Variants in IL1RAPL2 observed in about 807,000 individuals in gnomAD.
IL1RAPL2 encodes interleukin 1 receptor accessory protein like 2.
Under a neutral mutation model 44.1 loss-of-function variants are expected in IL1RAPL2, and 3 were observed. That is an observed-to-expected ratio of 0.07 (90% confidence interval 0.03 to 0.18). The LOEUF (loss-of-function observed/expected upper bound fraction) is 0.18. IL1RAPL2 is among the 10% of genes least tolerant of loss of function. The pLI, the probability that IL1RAPL2 is intolerant of heterozygous loss-of-function variation, is 1.00. For synonymous variants in IL1RAPL2, 181 were observed against 178.8 expected (o/e 1.01, Z -0.10); for missense variants, 391 against 496.4 (o/e 0.79, Z 2.02).
intron 2 of IL1RAPL2, among the ~76,000 whole-genome samples, chrX:104,673,191 G>A (rs957442861): frequency 2.7e-5 from 3 of 111,550 alleles, no homozygotes; most frequent in African/African-American, 6.5e-5. Context: ...GTCCTGAATG[G>A]TAATGCCTAG....
At chrX:104,756,248 C>A (rs5917138) in intron 2 of IL1RAPL2, among the ~76,000 whole-genome samples, 41,862 of 110,056 alleles carry the variant, frequency 0.38, 6,055 homozygotes, top group East Asian at 0.47. Flanking sequence ...TGTGTTGTTT[C>A]GAAGGAATGT....
At chrX:104,761,966 CTTCTTCTTCTTCTTCT>C (rs1932463448) in intron 2 of IL1RAPL2, among the ~76,000 whole-genome samples, 1 of 97,449 alleles carries the variant, frequency 1.0e-5, no homozygotes, top group South Asian at 5.1e-4. Context: ...TCTTCTTCTT[CTTCTTCTTCTTCTTCT>C]TCCTCCTCCT....
intron 2 of IL1RAPL2, among the ~76,000 whole-genome samples, chrX:105,120,998 A>T (rs1372126365): frequency 9.0e-6 from 1 of 111,674 alleles, no homozygotes; most frequent in Admixed American, 9.5e-5. Context: ...GCTGCCTTCT[A>T]AACCATGGGA....
rs1365896538 is a variant in IL1RAPL2 at position 105,670,142 on chromosome X, T to TATATATATATATATAA, written c.773-47219_773-47218insATATATATAAATATAT. 8.5e-4 allele frequency among the ~76,000 whole-genome samples: 45 copies of TATATATATATATATAA among 52,971 alleles called. 3 individuals are homozygous for TATATATATATATATAA. The highest frequency in any genetic ancestry group is 3.3e-3 in the African/African-American group (45 of 13,465). 46.0% of individuals were successfully genotyped at this position (52,971 alleles called of 115,157 possible). On this transcript the variant is annotated intron_variant, in intron 6 of 10. Transcript: ENST00000372582. Reference sequence around the variant, plus strand: ...ATATATATATATATATATATATATATATATATCTCCACCAGACCACACAGT... The same window carrying TATATATATATATATAA: ...ATATATATATATATATATATATATATATATATATATATATAAATATATCTCCACCAGACCACACAGT...
chrX:105,205,943 G>C (rs1209070057), intron 3 of IL1RAPL2, among the ~76,000 whole-genome samples: 1 of 110,425 alleles, frequency 9.1e-6, no homozygotes, highest in Non-Finnish European at 1.9e-5. Flanking sequence ...ATGGTAGCTT[G>C]GATTGTGGTG....
chrX:105,116,064 GC>G (rs1412916913), intron 2 of IL1RAPL2, among the ~76,000 whole-genome samples: 1 of 111,035 alleles, frequency 9.0e-6, no homozygotes, highest in African/African-American at 3.3e-5. Flanking sequence ...CGCGTGCGCA[GC>G]CCTGGTTCCC....
chrX:105,595,408 G>A (rs923260554), intron 6 of IL1RAPL2, among the ~76,000 whole-genome samples: 1 of 111,578 alleles, frequency 9.0e-6, no homozygotes, highest in African/African-American at 3.3e-5. Flanking sequence ...TATTATTGAG[G>A]CTGCCCAATA....
chrX:105,675,146 C>T (rs771325931), intron 6 of IL1RAPL2, among the ~76,000 whole-genome samples: 1 of 111,034 alleles, frequency 9.0e-6, no homozygotes, highest in Non-Finnish European at 1.9e-5. Flanking sequence ...ATTTGAATAC[C>T]CTTTATTTAT....
intron 1 of IL1RAPL2, among the ~76,000 whole-genome samples, chrX:104,640,060 T>C (rs1929902819): frequency 8.9e-6 from 1 of 111,914 alleles, no homozygotes; most frequent in Admixed American, 9.5e-5. Flanking sequence ...AGCTATTATT[T>C]TGTTACATAG....
chrX:105,303,442 G>A (rs1342270513), intron 5 of IL1RAPL2, among the ~76,000 whole-genome samples: 1 of 111,777 alleles, frequency 8.9e-6, no homozygotes, highest in Non-Finnish European at 1.9e-5. Context: ...ATAGGTGAAA[G>A]CCACTCAATT....
chrX:105,753,585 A>T (rs1286263720), intron 9 of IL1RAPL2, among the ~76,000 whole-genome samples: 1 of 111,141 alleles, frequency 9.0e-6, no homozygotes, highest in Non-Finnish European at 1.9e-5. Context: ...TGCTAGGATT[A>T]CCAGGAGGTT....
chrX:105,711,297 G>A (rs2038208687), intron 6 of IL1RAPL2, among the ~76,000 whole-genome samples: 1 of 110,588 alleles, frequency 9.0e-6, no homozygotes, highest in Non-Finnish European at 1.9e-5. Context: ...ATCTAGTGAG[G>A]GTCATCCTGT....
chrX:105,447,119 A>G (rs1448020139), intron 5 of IL1RAPL2, among the ~76,000 whole-genome samples: 8 of 65,920 alleles, frequency 1.2e-4, no homozygotes, highest in African/African-American at 4.8e-4. Context: ...AAATATATAT[A>G]AATATAAATA....
chrX:104,616,568 C>T (rs1455203756), intron 1 of IL1RAPL2, among the ~76,000 whole-genome samples: 1 of 111,975 alleles, frequency 8.9e-6, no homozygotes, highest in East Asian at 2.8e-4. Context: ...CTAAACTGCT[C>T]CTAAGATCAG....
At chrX:105,424,931 G>C (rs895558834) in intron 5 of IL1RAPL2, among the ~76,000 whole-genome samples, 2 of 109,458 alleles carry the variant, frequency 1.8e-5, no homozygotes, top group Non-Finnish European at 3.8e-5. Context: ...GACATCACCC[G>C]GGGGAGTCCT....
chrX:104,609,913 T>C (rs1602642261), intron 1 of IL1RAPL2, among the ~76,000 whole-genome samples: 1 of 111,740 alleles, frequency 8.9e-6, no homozygotes, highest in East Asian at 2.8e-4. Flanking sequence ...GTTGTGATCC[T>C]TTGGAGGAGA....
At chrX:105,153,029 T>C (rs1354002403) in intron 2 of IL1RAPL2, among the ~76,000 whole-genome samples, 1 of 112,581 alleles carries the variant, frequency 8.9e-6, no homozygotes, top group Non-Finnish European at 1.9e-5. Flanking sequence ...TTTGTTTATT[T>C]AGCTTAAATG....
intron 5 of IL1RAPL2, among the ~76,000 whole-genome samples, chrX:105,416,426 G>A (rs1384309791): frequency 9.0e-6 from 1 of 111,598 alleles, no homozygotes; most frequent in Non-Finnish European, 1.9e-5. Flanking sequence ...TTCTTTTCAC[G>A]ACATTATTTG....
At chrX:104,965,625 G>C (rs1227854853) in intron 2 of IL1RAPL2, among the ~76,000 whole-genome samples, 1 of 111,239 alleles carries the variant, frequency 9.0e-6, no homozygotes, top group Admixed American at 9.6e-5. Context: ...CAGCGTATTT[G>C]ACCTTTAAGA....
Sources: allele counts gnomAD v4.1 joint callset (sites outside exome capture counted in the v4.1 genomes callset), GRCh38; gene constraint gnomAD v4.1.1; transcripts MANE v1.5; gene names NCBI Gene and HGNC (gene_info 2026-07-23, HGNC 2026-07-21).